Variants in MMP28 observed in about 807,000 individuals in gnomAD.
MMP28 encodes the protein matrix metalloproteinase-28.
Under a neutral mutation model 60.5 loss-of-function variants are expected in MMP28, and 55 were observed. That is an observed-to-expected ratio of 0.91 (90% CI 0.73 to 1.14). The LOEUF is 1.14. Among genes scored for constraint, MMP28 ranks in the 50% most tolerant of loss-of-function variants. The probability of loss-of-function intolerance (pLI) is 0.00; values close to 1 mark genes in which losing one functional copy is unlikely to be tolerated. For synonymous variants in MMP28, 318 were observed against 312.5 expected (o/e 1.02, Z -0.18); for missense variants, 686 against 738.3 (o/e 0.93, Z 0.82).
chr17:35,761,845 C>T (rs1188935877), downstream of MMP28, among the ~76,000 whole-genome samples: 1 of 152,234 alleles, frequency 6.6e-6, no homozygotes, highest in Admixed American at 6.5e-5. Context: ...TCCCCTTCCT[C>T]TTGAAACATC....
Position 35,767,737 on chromosome 17 carries a change from C to T in MMP28, c.1168+15G>A. 2 of 1,551,908 alleles carry T rather than the reference C, an allele frequency of 1.3e-6. No individual in the cohort carries two copies. Among genetic ancestry groups the T allele is most frequent in the Non-Finnish European group, 1.7e-6 (2 of 1,147,512 alleles). ...CTCTAGGGCTCAGTTTTCCCCGCTG[C>T]CCCAGAGCCAGTACCTTTGAAGAAG... is the stretch of plus-strand genomic sequence containing the variant. On this transcript the variant is annotated intron_variant, in intron 7 of 7. Transcript: ENST00000605424.
chr17:35,790,529 T>C (rs957597161), intron 1 of MMP28, among the ~76,000 whole-genome samples: 1 of 152,230 alleles, frequency 6.6e-6, no homozygotes, highest in Non-Finnish European at 1.5e-5. Flanking sequence ...TTTACAGTAT[T>C]GTTCAAGTCT....
At chr17:35,780,972 G>C (rs951506139) in intron 1 of MMP28, among the ~76,000 whole-genome samples, 6 of 152,332 alleles carry the variant, frequency 3.9e-5, no homozygotes, top group African/African-American at 1.2e-4. Flanking sequence ...CTGAGGAGCT[G>C]ATACGTAATC....
At position 35,766,811 on chromosome 17, in the gene MMP28, G is replaced by A; in HGVS notation, c.1252C>T (p.Pro418Ser). ...GGAGGGAAGAAGAGGGCGGCGTCAG[G>A]ATGGCGGGGCAGGCCCCCTGCCCGG... is the stretch of plus-strand genomic sequence containing the variant. ...LCRAGGLPRH[P>S]DAALFFPPLR... Residue 418 changes from proline to serine, a missense_variant, in exon 8 of 8, where the codon CCT (proline) becomes TCT (serine). Physicochemically the swap from Pro to Ser is moderately conservative, Grantham distance 74. Transcript: ENST00000605424. The surrounding 1 kb of genome is among the most constrained non-coding windows in gnomAD (Gnocchi z 4.3). 6.4e-7 allele frequency: 1 copy of A among 1,573,688 alleles called. No individual in the cohort carries two copies. The highest frequency in any genetic ancestry group is 8.6e-7 in the Non-Finnish European group (1 of 1,160,362).
chr17:35,763,787 C>T (rs2143105580), downstream of MMP28, among the ~76,000 whole-genome samples: 1 of 151,990 alleles, frequency 6.6e-6, no homozygotes, highest in East Asian at 1.9e-4. Context: ...GTCCCAGCTA[C>T]TTGGGAGGCT....
downstream of MMP28, chr17:35,764,448 C>T: frequency 6.4e-7 from 1 of 1,553,406 alleles, no homozygotes; most frequent in Non-Finnish European, 8.7e-7. Context: ...CCCGGAGGAG[C>T]CGTGCGTGCT....
At chr17:35,761,023 C>T (rs1330217612), downstream of MMP28, 3 of 1,523,018 alleles carry the variant, frequency 2.0e-6, no homozygotes, top group Non-Finnish European at 2.7e-6. Flanking sequence ...GACAATCCAG[C>T]CCATCACCAT....
Position 35,795,460 on chromosome 17 carries a change from G to C in MMP28, c.-83C>G. ...GCAGTCAGCCGCGCCCGGGACCCCG[G>C]GGATGGGACTGCTCTGCGCCGCCCC... On this transcript the variant is annotated 5_prime_UTR_variant, in exon 1 of 8. Transcript: ENST00000605424. The C allele has an allele frequency of 9.9e-7, 1 of 1,013,858 alleles. No homozygotes were observed. Among genetic ancestry groups the C allele is most frequent in the Non-Finnish European group, 1.3e-6 (1 of 752,486 alleles). The allele number at this position is 1,013,858 out of a possible 1,614,324, so 62.8% of individuals were successfully genotyped here.
rs767304707 is a variant in MMP28 at position 35,779,214 on chromosome 17, C to A, written c.191+30G>T. 6.3e-7 allele frequency: 1 copy of A among 1,593,308 alleles called. No homozygotes were observed. The highest frequency in any genetic ancestry group is 8.6e-7 in the Non-Finnish European group (1 of 1,169,244). On this transcript the variant is annotated intron_variant, in intron 2 of 7. Coordinates refer to ENST00000605424, the MANE Select transcript of MMP28 (RefSeq NM_024302.5). ...AGAGCTTGGCATCCTAGCACCCCTA[C>A]CCCAAGTCCTCCACATCCCTCCACC...
At chr17:35,767,720 C>A in intron 7 of MMP28, 32 bp downstream of exon 7, 1 of 1,550,518 alleles carries the variant, frequency 6.4e-7, no homozygotes, top group Non-Finnish European at 8.7e-7. Flanking sequence ...CTCTCTAGGG[C>A]TCAGTTTTCC....
chr17:35,784,012 T>A (rs2086579076), intron 1 of MMP28, among the ~76,000 whole-genome samples: 1 of 152,096 alleles, frequency 6.6e-6, no homozygotes, highest in Non-Finnish European at 1.5e-5. Context: ...TGGCTGTGCG[T>A]AGTCATGCCT....
chr17:35,779,228 C>T lies in MMP28; in HGVS notation c.191+16G>A, dbSNP rs750064355. On this transcript the variant is annotated intron_variant, in intron 2 of 7. Coordinates refer to ENST00000605424, the MANE Select transcript of MMP28 (RefSeq NM_024302.5). ...TAGCACCCCTACCCCAAGTCCTCCACATCCCTCCACCCTACCTGATGGCAT... is the reference window on the plus strand; with the variant it reads ...TAGCACCCCTACCCCAAGTCCTCCATATCCCTCCACCCTACCTGATGGCAT... 1 of 1,605,166 alleles carries T rather than the reference C, an allele frequency of 6.2e-7. No individual in the cohort carries two copies. The highest frequency in any genetic ancestry group is 1.3e-5 in the African/African-American group (1 of 74,766).
chr17:35,778,588 TG>T (rs147974734), intron 3 of MMP28: 6,892 of 498,114 alleles, frequency 0.014, 406 homozygotes, highest in African/African-American at 0.12. Context: ...AAATGAAAAA[TG>T]TTAGCAACAG....
intron 3 of MMP28, among the ~76,000 whole-genome samples, chr17:35,773,849 C>T (rs2086245864): frequency 6.6e-6 from 1 of 152,192 alleles, no homozygotes; most frequent in South Asian, 2.1e-4. Flanking sequence ...GGTGGGGCCA[C>T]AGAGGCCACA....
At chr17:35,791,476 C>A (rs141538432) in intron 1 of MMP28, among the ~76,000 whole-genome samples, 7 of 151,866 alleles carry the variant, frequency 4.6e-5, no homozygotes, top group African/African-American at 1.7e-4. Flanking sequence ...AGATTGAGGC[C>A]GCAGTGAGCC....
chr17:35,795,349 C>A lies in MMP28; in HGVS notation c.29G>T (p.Arg10Leu). 6.9e-7 allele frequency: 1 copy of A among 1,458,570 alleles called. No homozygotes were observed. The highest frequency in any genetic ancestry group is 9.0e-7 in the Non-Finnish European group (1 of 1,107,058). 90.4% of individuals were successfully genotyped at this position (1,458,570 alleles called of 1,614,324 possible). Residue 10 changes from arginine (R) to leucine (L), a missense_variant, in exon 1 of 8, where the codon CGC becomes CTC. By Grantham distance (102) the Arg-to-Leu change is moderately radical. Transcript: ENST00000605424. ...GCCCCACAGTAGCAGCTGCAGGGCG[C>A]GCAGCAGGAGGCCGACGCGCGCGAC... MVARVGLLL[R>L]ALQLLLWGHL...
intron 1 of MMP28, among the ~76,000 whole-genome samples, chr17:35,787,544 G>A (rs1405021953): frequency 2.0e-5 from 3 of 152,172 alleles, no homozygotes; most frequent in Non-Finnish European, 4.4e-5. Context: ...AGGCTGGAGT[G>A]CAGTGGCATG....
rs750901185 is a variant in MMP28 at position 35,766,980 on chromosome 17, C to G, written c.1169-86G>C. 5 of 1,262,020 alleles carry G rather than the reference C, an allele frequency of 4.0e-6. No individual in the cohort carries two copies. The highest frequency in any genetic ancestry group is 3.8e-5 in the South Asian group (3 of 78,526). The allele number at this position is 1,262,020 out of a possible 1,614,324, so 78.2% of individuals were successfully genotyped here. A position where few individuals can be genotyped will look rare whatever the true frequency, so the allele number is the denominator to read the frequency against. On this transcript the variant is annotated intron_variant, in intron 7 of 7. Coordinates refer to ENST00000605424, the MANE Select transcript of MMP28 (RefSeq NM_024302.5). This position sits in a 1 kb window ranked among gnomAD's most constrained non-coding sequence, Gnocchi z 4.3. ...CACTTCTGTCCCCCATACCTCTGCT[C>G]TCCTTTAAGCTGGAGCCCACGATGG...
At chr17:35,788,632 G>A (rs111371819) in intron 1 of MMP28, among the ~76,000 whole-genome samples, 1 of 152,116 alleles carries the variant, frequency 6.6e-6, no homozygotes, top group Non-Finnish European at 1.5e-5. Flanking sequence ...TGGCTCTGGG[G>A]TATGAGAAAC....
Sources: gnomAD v4.1 joint callset for allele counts (sites outside exome capture counted in the v4.1 genomes callset) on GRCh38, gnomAD v4.1.1 for gene constraint, Gnocchi (gnomAD v3.1) non-coding constraint, MANE v1.5 for transcripts, NCBI Gene and HGNC (gene_info 2026-07-23, HGNC 2026-07-21) for gene names.